PSD3: variants seen among roughly 807,000 people sequenced by gnomAD.
The protein encoded by PSD3 is pleckstrin and Sec7 domain containing 3.
Under a neutral mutation model 105.5 loss-of-function variants are expected in PSD3, and 49 were observed. The observed-to-expected ratio is 0.46, with a 90% CI of 0.37 to 0.59. The LOEUF (loss-of-function observed/expected upper bound fraction) is 0.59, where lower values mean the gene tolerates loss of function less well. Among genes scored for constraint, PSD3 ranks in the 20% least tolerant of loss-of-function variants. The pLI, the probability that PSD3 is intolerant of heterozygous loss-of-function variation, is 0.00. For synonymous variants in PSD3, 557 were observed against 457.8 expected (o/e 1.22, Z -2.77); for missense variants, 1,561 against 1,263.8 (o/e 1.24, Z -3.57).
intron 11 of PSD3, 98 bp downstream of exon 11, chr8:18,632,515 A>G (rs551945305): frequency 2.2e-6 from 3 of 1,340,362 alleles, no homozygotes; most frequent in Non-Finnish European, 3.1e-6. Flanking sequence ...ATAGATAAAC[A>G]TAATTTTTTC....
intron 9 of PSD3, among the ~76,000 whole-genome samples, chr8:18,697,361 C>G (rs1042423962): frequency 1.3e-5 from 2 of 152,154 alleles, no homozygotes; most frequent in Admixed American, 6.5e-5. Context: ...GACTGGCCAA[C>G]AAAAGTACCT....
chr8:18,651,044 T>G (rs926581464), intron 10 of PSD3, among the ~76,000 whole-genome samples: 1 of 152,180 alleles, frequency 6.6e-6, no homozygotes, highest in Non-Finnish European at 1.5e-5. Flanking sequence ...GTAAGTACCT[T>G]TCAAAAAATT....
chr8:18,622,574 T>A (rs1483371025), intron 11 of PSD3, among the ~76,000 whole-genome samples: 2 of 152,128 alleles, frequency 1.3e-5, no homozygotes, highest in African/African-American at 2.4e-5. Context: ...TAGTGAAAAA[T>A]TTTTTCCCCA....
chr8:18,745,493 G>A (rs749947860), intron 9 of PSD3, among the ~76,000 whole-genome samples: 5 of 152,106 alleles, frequency 3.3e-5, no homozygotes, highest in African/African-American at 4.8e-5. Context: ...TGGCCTTCTG[G>A]CACACCACCC....
intron 10 of PSD3, among the ~76,000 whole-genome samples, chr8:18,647,762 T>C (rs1808156321): frequency 6.6e-6 from 1 of 152,102 alleles, no homozygotes; most frequent in Non-Finnish European, 1.5e-5. Flanking sequence ...TGGGGCCTGG[T>C]GAGAGGTGAC....
chr8:18,793,372 GA>G (rs112335496), intron 8 of PSD3, among the ~76,000 whole-genome samples: 2 of 125,438 alleles, frequency 1.6e-5, no homozygotes, highest in East Asian at 2.3e-4. Flanking sequence ...TATCAAAATA[GA>G]AAAAAAAAAC....
At chr8:18,839,667 T>A (rs146829201) in intron 4 of PSD3, among the ~76,000 whole-genome samples, 1 of 152,142 alleles carries the variant, frequency 6.6e-6, no homozygotes, top group Non-Finnish European at 1.5e-5. Context: ...CCAGTAGTTA[T>A]AGAACACACC....
At chr8:18,824,026 T>A (rs1182029829) in intron 4 of PSD3, among the ~76,000 whole-genome samples, 2 of 151,752 alleles carry the variant, frequency 1.3e-5, no homozygotes, top group African/African-American at 4.8e-5. Flanking sequence ...TAAAACAAAT[T>A]TCCAGGCTTA....
At chr8:18,784,485 G>C (rs141129120) in intron 8 of PSD3, among the ~76,000 whole-genome samples, 2 of 152,190 alleles carry the variant, frequency 1.3e-5, no homozygotes, top group East Asian at 3.9e-4. Context: ...GATTTCATGA[G>C]CTCATACAGG....
chr8:19,039,400 C>A (rs76240240), intron 1 of PSD3, among the ~76,000 whole-genome samples: 2,279 of 152,260 alleles, frequency 0.015, 57 homozygotes, highest in African/African-American at 0.052. Context: ...ATGTCCCAAG[C>A]TGAATTTATC....
At chr8:19,004,291 G>C (rs1411075402) in intron 1 of PSD3, among the ~76,000 whole-genome samples, 1 of 151,918 alleles carries the variant, frequency 6.6e-6, no homozygotes, top group Non-Finnish European at 1.5e-5. Context: ...CTCTCAAATA[G>C]CTCAGGCAAA....
At chr8:18,984,895 C>G (rs1457482537) in intron 1 of PSD3, among the ~76,000 whole-genome samples, 1 of 152,128 alleles carries the variant, frequency 6.6e-6, no homozygotes, top group Non-Finnish European at 1.5e-5. Context: ...TCAATGTCAC[C>G]AGGAAATGGT....
chr8:18,958,423 T>G (rs1402997247), intron 1 of PSD3, among the ~76,000 whole-genome samples: 2 of 152,230 alleles, frequency 1.3e-5, no homozygotes, highest in Admixed American at 6.5e-5. Context: ...TTTGTTTACT[T>G]TCTTTTGGGG....
chr8:18,816,873 C>A (rs889603511), intron 4 of PSD3, among the ~76,000 whole-genome samples: 4 of 152,104 alleles, frequency 2.6e-5, no homozygotes, highest in Non-Finnish European at 4.4e-5. Flanking sequence ...TTCATAAGTG[C>A]CTTGGAGATA....
intron 11 of PSD3, among the ~76,000 whole-genome samples, chr8:18,623,440 C>T (rs1375732512): frequency 1.6e-4 from 19 of 116,160 alleles, no homozygotes; most frequent in Admixed American, 3.9e-4. Flanking sequence ...AGTCAGCCCC[C>T]GTCTCCCCAA....
chr8:19,025,473 G>A (rs985708754), intron 1 of PSD3, among the ~76,000 whole-genome samples: 5 of 152,012 alleles, frequency 3.3e-5, no homozygotes, highest in South Asian at 4.2e-4. Context: ...TTTCTGACTC[G>A]TCCTTGAGTT....
intron 14 of PSD3, among the ~76,000 whole-genome samples, chr8:18,565,829 T>C (rs1207034211): frequency 1.3e-5 from 2 of 152,036 alleles, no homozygotes; most frequent in East Asian, 1.9e-4. Context: ...CCCCAGAAGA[T>C]ATTTGGCAAT....
At chr8:18,865,316 T>C (rs1255496035) in intron 4 of PSD3, 1 of 124,180 alleles carries the variant, frequency 8.1e-6, no homozygotes, top group African/African-American at 3.0e-5. Context: ...TTTTAAAGGC[T>C]ATCTGAGGCC....
intron 4 of PSD3, among the ~76,000 whole-genome samples, chr8:18,818,166 G>C (rs992310551): frequency 3.9e-5 from 6 of 152,066 alleles, no homozygotes; most frequent in Non-Finnish European, 8.8e-5. Context: ...TGTTGGCCAG[G>C]CTGGTCTCAA....
Sources: gnomAD v4.1 joint callset for allele counts (sites outside exome capture counted in the v4.1 genomes callset) on GRCh38, gnomAD v4.1.1 for gene constraint, MANE v1.5 for transcripts, NCBI Gene and HGNC (gene_info 2026-07-23, HGNC 2026-07-21) for gene names.